PCDHA11: variants seen among roughly 807,000 people sequenced by gnomAD.
PCDHA11 encodes protocadherin alpha 11.
A neutral mutation model predicts 70.3 loss-of-function variants in PCDHA11; 61 were observed. That is an observed-to-expected ratio of 0.87 (90% CI 0.71 to 1.07). The LOEUF is 1.07. Ranked by LOEUF, PCDHA11 falls within the 50% of genes least tolerant of loss-of-function variation. The pLI is 0.00. For synonymous variants in PCDHA11, 633 were observed against 555.1 expected (o/e 1.14, Z -1.97); for missense variants, 1,324 against 1,237.5 (o/e 1.07, Z -1.05).
chr5:140,880,822 A>T (rs893258483), intron 1 of PCDHA11, among the ~76,000 whole-genome samples: 2 of 152,206 alleles, frequency 1.3e-5, no homozygotes, highest in Non-Finnish European at 2.9e-5. Flanking sequence ...GAGTGTCTGG[A>T]AGGGCATATT....
In PCDHA11 at chr5:141,010,200, C is replaced by T. The variant is rs1356287133; in HGVS notation, c.*263C>T. On this transcript the variant is annotated 3_prime_UTR_variant, in exon 4 of 4. Coordinates refer to ENST00000398640, the MANE Select transcript of PCDHA11 (RefSeq NM_018902.5). ...AGCAGACCCAAGTTTCCTTTCTCCTCCGCCGCAAAGGAGAGGCTTCCCAGC... is the reference window on the plus strand; with the variant it reads ...AGCAGACCCAAGTTTCCTTTCTCCTTCGCCGCAAAGGAGAGGCTTCCCAGC... The T allele has an allele frequency of 1.3e-6, 2 of 1,551,984 alleles. No individual in the cohort carries two copies. Among genetic ancestry groups the T allele is most frequent in the African/African-American group, 2.7e-5 (2 of 73,038 alleles).
At chr5:140,986,530 G>C (rs1341824536) in intron 3 of PCDHA11, among the ~76,000 whole-genome samples, 1 of 152,162 alleles carries the variant, frequency 6.6e-6, no homozygotes, top group African/African-American at 2.4e-5. Context: ...GAGGGAACTG[G>C]CCTGGCTTCA....
At position 140,871,184 on chromosome 5, in the gene PCDHA11, A is replaced by G. The variant is rs2052793987; in HGVS notation, c.2081A>G (p.Asp694Gly). The G allele has an allele frequency of 6.2e-7, 1 of 1,613,434 alleles. No individual in the cohort carries two copies. The highest frequency in any genetic ancestry group is 1.3e-5 in the African/African-American group (1 of 74,932). ...GAASPEAALV[D>G]VNVYLIIAIC... ...GCGAGCCCAGAGGCTGCGCTGGTGGATGTCAACGTGTACCTGATCATCGCC... is the reference window on the plus strand; with the variant it reads ...GCGAGCCCAGAGGCTGCGCTGGTGGGTGTCAACGTGTACCTGATCATCGCC... The change falls in exon 1 of 4, where the codon GAT becomes GGT. Residue 694 changes from aspartate to glycine, a missense_variant. Transcript: ENST00000398640.
At chr5:140,890,596 C>T (rs1236261988) in intron 1 of PCDHA11, among the ~76,000 whole-genome samples, 5 of 152,064 alleles carry the variant, frequency 3.3e-5, no homozygotes, top group African/African-American at 1.2e-4. Context: ...AGCCCTTTTC[C>T]GAATAGCTAG....
intron 1 of PCDHA11, among the ~76,000 whole-genome samples, chr5:140,944,533 AG>A (rs1276351803): frequency 6.6e-6 from 1 of 152,148 alleles, no homozygotes; most frequent in Non-Finnish European, 1.5e-5. Flanking sequence ...AAATGATTTA[AG>A]TATTTAAAGA....
At chr5:140,996,226 G>C (rs2097717630) in intron 3 of PCDHA11, among the ~76,000 whole-genome samples, 1 of 152,196 alleles carries the variant, frequency 6.6e-6, no homozygotes, top group South Asian at 2.1e-4. Context: ...GTCTAGAAAT[G>C]GTTGCTCAAG....
chr5:140,909,970 G>A (rs76359002), intron 1 of PCDHA11, among the ~76,000 whole-genome samples: 2,125 of 152,312 alleles, frequency 0.014, 45 homozygotes, highest in African/African-American at 0.049. Flanking sequence ...CATGGGGAAG[G>A]ATGGGAGAAA....
At chr5:140,975,068 C>G (rs1273763502) in intron 1 of PCDHA11, among the ~76,000 whole-genome samples, 2 of 152,134 alleles carry the variant, frequency 1.3e-5, no homozygotes, top group Non-Finnish European at 2.9e-5. Context: ...CGAGCTCATT[C>G]AGATTGTTGG....
chr5:140,909,210 G>A (rs2074375008), intron 1 of PCDHA11, among the ~76,000 whole-genome samples: 1 of 152,186 alleles, frequency 6.6e-6, no homozygotes, highest in Non-Finnish European at 1.5e-5. Context: ...CCGGAGAGTT[G>A]ATATACCCCT....
chr5:140,910,808 G>A (rs535429898), intron 1 of PCDHA11, among the ~76,000 whole-genome samples: 1 of 152,170 alleles, frequency 6.6e-6, no homozygotes, highest in South Asian at 2.1e-4. Flanking sequence ...TGCTTAGTGG[G>A]CCCAAATCAA....
chr5:140,993,291 C>A (rs961103629), intron 3 of PCDHA11, among the ~76,000 whole-genome samples: 6 of 152,068 alleles, frequency 3.9e-5, no homozygotes, highest in African/African-American at 1.4e-4. Flanking sequence ...CCCAGGGTCA[C>A]AACCTTGCCT....
chr5:140,999,338 G>T (rs1451765927), intron 3 of PCDHA11, among the ~76,000 whole-genome samples: 2 of 152,126 alleles, frequency 1.3e-5, no homozygotes, highest in African/African-American at 2.4e-5. Context: ...TGATTTATAA[G>T]CCTTGTCTCT....
At chr5:140,881,235 T>C (rs2058632833) in intron 1 of PCDHA11, 1 of 352,648 alleles carries the variant, frequency 2.8e-6, no homozygotes, top group South Asian at 1.1e-4. Context: ...TTAAAGTCAA[T>C]TTAAATGACG....
At chr5:140,923,660 G>T (rs1442227445) in intron 1 of PCDHA11, among the ~76,000 whole-genome samples, 1 of 152,148 alleles carries the variant, frequency 6.6e-6, no homozygotes, top group South Asian at 2.1e-4. Context: ...TTATCTTTGG[G>T]ATATCGTTCT....
chr5:140,978,974 G>T lies in PCDHA11; in HGVS notation c.2417G>T (p.Arg806Leu). ...GQPRQPNPDW[R>L]YSASLRAGMH... is the part of the protein sequence containing the mutation. ...CCACGACAGCCCAACCCTGACTGGC[G>T]TTACTCTGCCTCCCTGAGAGCAGGC... Residue 806 changes from arginine to leucine, a missense_variant, in exon 2 of 4, where the codon CGT becomes CTT. Arg to Leu is a moderately radical substitution (Grantham distance 102, BLOSUM62 -2). Coordinates refer to ENST00000398640, the MANE Select transcript of PCDHA11 (RefSeq NM_018902.5). 6.2e-7 allele frequency: 1 copy of T among 1,614,130 alleles called. No individual in the cohort carries two copies. Among genetic ancestry groups the T allele is most frequent in the East Asian group, 2.2e-5 (1 of 44,882 alleles).
intron 3 of PCDHA11, among the ~76,000 whole-genome samples, chr5:140,998,180 A>C (rs2097799784): frequency 6.6e-6 from 1 of 152,122 alleles, no homozygotes; most frequent in East Asian, 1.9e-4. Context: ...TATTCTAAGC[A>C]CTTTACAAGT....
intron 1 of PCDHA11, among the ~76,000 whole-genome samples, chr5:140,953,629 T>A (rs547651453): frequency 6.6e-6 from 1 of 152,298 alleles, no homozygotes; most frequent in East Asian, 1.9e-4. Context: ...TTGCTTTATG[T>A]ATTTTGGCCA....
At position 140,868,988 on chromosome 5, in the gene PCDHA11, C is replaced by T; in HGVS notation, c.-116C>T. Reference sequence around the variant, plus strand: ...AGGAACTCCATCATACCGGATGCCACCGTTTAAGGATCCTTTGAAACTTCT... The same window carrying T: ...AGGAACTCCATCATACCGGATGCCATCGTTTAAGGATCCTTTGAAACTTCT... On this transcript the variant is annotated 5_prime_UTR_variant, in exon 1 of 4. Coordinates refer to ENST00000398640, the MANE Select transcript of PCDHA11 (RefSeq NM_018902.5). 6.6e-7 allele frequency: 1 copy of T among 1,506,234 alleles called. No individual in the cohort carries two copies. Among genetic ancestry groups the T allele is most frequent in the Non-Finnish European group, 8.9e-7 (1 of 1,127,356 alleles). The allele number at this position is 1,506,234 out of a possible 1,614,324, so 93.3% of individuals were successfully genotyped here.
At chr5:140,880,214 A>C (rs2058267657) in intron 1 of PCDHA11, among the ~76,000 whole-genome samples, 1 of 152,224 alleles carries the variant, frequency 6.6e-6, no homozygotes, top group African/African-American at 2.4e-5. Flanking sequence ...TTCCACCAGA[A>C]GTAGAACATT....
Sources: gnomAD v4.1 joint callset for allele counts (sites outside exome capture counted in the v4.1 genomes callset) on GRCh38, gnomAD v4.1.1 for gene constraint, MANE v1.5 for transcripts, NCBI Gene and HGNC (gene_info 2026-07-23, HGNC 2026-07-21) for gene names.